Variants in ZNF714 observed in about 807,000 individuals in gnomAD.
ZNF714 encodes zinc finger protein 714.
ZNF714 carries 32 observed loss-of-function variants against 46.2 expected under a neutral mutation model. That is an observed-to-expected ratio of 0.69 (90% confidence interval 0.52 to 0.93). ZNF714 has a LOEUF of 0.93. Ranked by LOEUF, ZNF714 falls within the 40% of genes least tolerant of loss-of-function variation. The probability of loss-of-function intolerance (pLI) is 0.00; values close to 1 mark genes in which losing one functional copy is unlikely to be tolerated. For synonymous variants in ZNF714, 199 were observed against 213.1 expected, an observed-to-expected ratio of 0.93 and a Z score of 0.58; for missense variants, 635 against 646.3, an observed-to-expected ratio of 0.98 and a Z score of 0.19.
intron 4 of ZNF714, among the ~76,000 whole-genome samples, chr19:21,107,364 G>A (rs113858000): frequency 0.078 from 11,917 of 151,824 alleles, 527 homozygotes; most frequent in Non-Finnish European, 0.086. Flanking sequence ...CTCAGCCTCC[G>A]GAGTAGCTGG....
chr19:21,090,127 C>T (rs1968875595), intron 2 of ZNF714, among the ~76,000 whole-genome samples: 1 of 152,270 alleles, frequency 6.6e-6, no homozygotes, highest in South Asian at 2.1e-4. Flanking sequence ...GCCCTGTCAT[C>T]ATTAATTCAA....
Position 21,102,064 on chromosome 19 carries a change from T to A in ZNF714, c.142+3154T>A, listed in dbSNP as rs553648645. Among the ~76,000 whole-genome samples the A allele has an allele frequency of 5.3e-5, 8 of 152,336 alleles. 1 individual carries two copies. The highest frequency in any genetic ancestry group is 4.6e-4 in the Admixed American group (7 of 15,300). On this transcript the variant is annotated intron_variant, in intron 4 of 4. Coordinates refer to ENST00000456283, the MANE Select transcript of ZNF714 (RefSeq NM_182515.4). ...CCAACCTCAGTGTACCATGTAGCAG[T>A]CATTACAGATGTGAGCCATGATACC...
chr19:21,085,753 A>G (rs2013048), intron 2 of ZNF714, among the ~76,000 whole-genome samples: 142,584 of 152,190 alleles, frequency 0.94, 66,882 homozygotes, highest in Middle Eastern at 0.98. Flanking sequence ...TGGAAAGCTG[A>G]GGACCCACAG....
chr19:21,086,839 G>T (rs1307419492), intron 2 of ZNF714, among the ~76,000 whole-genome samples: 3 of 152,088 alleles, frequency 2.0e-5, no homozygotes, highest in East Asian at 1.9e-4. Context: ...AAGAGTTGTA[G>T]AGGGATGAAG....
At chr19:21,083,893 C>T (rs887778261) in intron 1 of ZNF714, 85 bp from the exon 2 acceptor site, 15 of 658,064 alleles carry the variant, frequency 2.3e-5, no homozygotes, top group Non-Finnish European at 2.8e-5. Flanking sequence ...TCAGTACTGT[C>T]TGGGGATCAA....
chr19:21,091,401 C>T (rs1486826837), intron 2 of ZNF714: 1 of 152,172 alleles, frequency 6.6e-6, no homozygotes. Context: ...TTCTATCTCA[C>T]CTTGTGAGTT....
At position 21,084,911 on chromosome 19, in the gene ZNF714, C is replaced by T. The variant is rs530333756; in HGVS notation, c.-85+842C>T. On this transcript the variant is annotated intron_variant, in intron 2 of 4. Coordinates refer to ENST00000456283, the MANE Select transcript of ZNF714 (RefSeq NM_182515.4). ...CTGGGATAACAGGTGTGAGCCACCA[C>T]GCCCGGCCAGCAGGAAAATATTTAC... Among the ~76,000 whole-genome samples the T allele has an allele frequency of 1.3e-4, 20 of 152,062 alleles. No homozygotes were observed. The South Asian group carries it at 2.9e-3, about 22-fold the overall frequency.
At chr19:21,111,067 A>G (rs1969440313) in intron 4 of ZNF714, among the ~76,000 whole-genome samples, 1 of 152,056 alleles carries the variant, frequency 6.6e-6, no homozygotes, top group South Asian at 2.1e-4. Context: ...TCTTGGCTAT[A>G]TGGGGTCTTT....
rs1310709031 is a variant in ZNF714, at chr19:21,122,592, G to A, written c.*4260G>A. On this transcript the variant is annotated 3_prime_UTR_variant, in exon 5 of 5. Coordinates refer to ENST00000456283, the MANE Select transcript of ZNF714 (RefSeq NM_182515.4). Reference sequence around the variant, plus strand: ...CCATTGCACTACAGCCTGGGTGACAGAATGAGACTCATAAAAAAAAAAATA... The same window carrying A: ...CCATTGCACTACAGCCTGGGTGACAAAATGAGACTCATAAAAAAAAAAATA... 1 of 151,942 alleles carries A rather than the reference G, an allele frequency of 6.6e-6. No individual in the cohort carries two copies. Among genetic ancestry groups the A allele is most frequent in the African/African-American group, 2.4e-5 (1 of 41,352 alleles). The allele number at this position is 151,942 out of a possible 1,614,324, so 9.4% of individuals were successfully genotyped here. A position where few individuals can be genotyped will look rare whatever the true frequency, so the allele number is the denominator to read the frequency against.
At chr19:21,093,481 C>T (rs1968968440) in intron 2 of ZNF714, among the ~76,000 whole-genome samples, 1 of 151,976 alleles carries the variant, frequency 6.6e-6, no homozygotes, top group South Asian at 2.1e-4. Flanking sequence ...ATCCGCCCGC[C>T]TCAGCCTCCC....
At chr19:21,099,464 G>T (rs1599538745) in intron 4 of ZNF714, among the ~76,000 whole-genome samples, 5 of 23,594 alleles carry the variant, frequency 2.1e-4, no homozygotes, top group Non-Finnish European at 1.6e-3. Flanking sequence ...ACAAGTGTGA[G>T]CCACCGTGCC....
At chr19:21,102,531 T>C (rs1969205875) in intron 4 of ZNF714, among the ~76,000 whole-genome samples, 1 of 152,234 alleles carries the variant, frequency 6.6e-6, no homozygotes, top group Non-Finnish European at 1.5e-5. Flanking sequence ...TTAAGTTGGA[T>C]TACAGCAGTT....
intron 4 of ZNF714, among the ~76,000 whole-genome samples, chr19:21,109,155 CTT>C (rs1328151515): frequency 6.6e-6 from 1 of 152,100 alleles, no homozygotes; most frequent in African/African-American, 2.4e-5. Flanking sequence ...AAATGAGTCT[CTT>C]ATAGACAGCA....
chr19:21,107,812 G>T (rs539945793), intron 4 of ZNF714, among the ~76,000 whole-genome samples: 1 of 152,138 alleles, frequency 6.6e-6, no homozygotes, highest in Non-Finnish European at 1.5e-5. Flanking sequence ...ATGAGCCACC[G>T]TACTCAACCC....
intron 2 of ZNF714, among the ~76,000 whole-genome samples, chr19:21,090,002 G>A (rs1968873276): frequency 6.6e-6 from 1 of 152,232 alleles, no homozygotes; most frequent in South Asian, 2.1e-4. Flanking sequence ...ACAATACAAA[G>A]GAAAATTATC....
chr19:21,106,584 A>AC (rs1186128376), intron 4 of ZNF714, among the ~76,000 whole-genome samples: 1 of 151,388 alleles, frequency 6.6e-6, no homozygotes, highest in Non-Finnish European at 1.5e-5. Context: ...AAAAAAAAAA[A>AC]CAAATATTTT....
chr19:21,114,461 A>G (rs942360610), intron 4 of ZNF714, among the ~76,000 whole-genome samples: 2 of 149,620 alleles, frequency 1.3e-5, no homozygotes, highest in African/African-American at 2.4e-5. Flanking sequence ...AGAAACTATG[A>G]TTGCAACCCC....
intron 3 of ZNF714, among the ~76,000 whole-genome samples, chr19:21,098,582 A>G (rs1205717527): frequency 1.3e-5 from 2 of 152,166 alleles, no homozygotes; most frequent in Non-Finnish European, 2.9e-5. Flanking sequence ...TATTGCCCGT[A>G]TCTTAAAATC....
intron 4 of ZNF714, among the ~76,000 whole-genome samples, chr19:21,114,549 G>A (rs1441262059): frequency 6.6e-6 from 1 of 151,654 alleles, no homozygotes; most frequent in Non-Finnish European, 1.5e-5. Context: ...CTTTTCATGC[G>A]AAGTGGGTCT....
Sources: allele counts gnomAD v4.1 joint callset (sites outside exome capture counted in the v4.1 genomes callset), GRCh38; gene constraint gnomAD v4.1.1; transcripts MANE v1.5; gene names NCBI Gene and HGNC (gene_info 2026-07-23, HGNC 2026-07-21).